The following ERMARD variants were observed in gnomAD, a reference collection of about 807,000 sequenced individuals.
ERMARD encodes endoplasmic reticulum membrane-associated RNA degradation protein.
Under a neutral mutation model 83.9 loss-of-function variants are expected in ERMARD, and 71 were observed. The ratio of observed to expected loss-of-function variants is 0.85; its 90% CI spans 0.70 to 1.03. The LOEUF is 1.03. Among genes scored for constraint, ERMARD ranks in the 50% least tolerant of loss-of-function variants. The pLI is 0.00. For missense variants in ERMARD, 838 were observed against 810.9 expected (o/e 1.03, Z -0.41); for synonymous variants, 284 against 298.6 (o/e 0.95, Z 0.50).
Position 169,751,835 on chromosome 6 carries a change from G to C in ERMARD, c.6+172G>C, listed in dbSNP as rs1033434835. On this transcript the variant is annotated intron_variant, in intron 1 of 17. Transcript: ENST00000366773. Reference sequence around the variant, plus strand: ...CGGCCCTGGCCTCTGTGGCGGTATCGGACGCTCGGCCCTGCAAGACGCCTG... The same window carrying C: ...CGGCCCTGGCCTCTGTGGCGGTATCCGACGCTCGGCCCTGCAAGACGCCTG... The C allele has an allele frequency of 4.0e-6, 4 of 1,005,052 alleles. No homozygotes were observed. In the African/African-American group the frequency reaches 6.9e-5, roughly 17 times the overall value. The allele number at this position is 1,005,052 out of a possible 1,614,324, so 62.3% of individuals were successfully genotyped here.
chr6:169,774,851 AG>A (rs17860644), intron 13 of ERMARD, among the ~76,000 whole-genome samples: 43,161 of 152,090 alleles, frequency 0.28, 6,791 homozygotes, highest in African/African-American at 0.42. Flanking sequence ...GACAGTCCCA[AG>A]GTGACAGCTG....
chr6:169,770,617 T>G (rs564379802), intron 12 of ERMARD: 34 of 152,090 alleles, frequency 2.2e-4, no homozygotes, highest in African/African-American at 7.7e-4. Flanking sequence ...TTTAAATTTT[T>G]TTATTATTAT....
Position 169,769,230 on chromosome 6 carries a change from C to T in ERMARD, c.1060-310C>T, listed in dbSNP as rs534578817. Among the ~76,000 whole-genome samples, 4 of 152,304 alleles carry T rather than the reference C, an allele frequency of 2.6e-5. No individual in the cohort carries two copies. The South Asian group carries it at 8.3e-4, about 32-fold the overall frequency. On this transcript the variant is annotated intron_variant, in intron 11 of 17. Coordinates refer to ENST00000366773, the MANE Select transcript of ERMARD (RefSeq NM_018341.3). ...CTCACACAAGAAAGAGCCGTGATTT[C>T]TTTTATTGCCTTGGAAAAGCTCATT...
At position 169,776,016 on chromosome 6, in the gene ERMARD, C is replaced by G; in HGVS notation, c.1471C>G (p.Pro491Ala). The G allele has an allele frequency of 6.2e-7, 1 of 1,614,206 alleles. No homozygotes were observed. The highest frequency in any genetic ancestry group is 1.1e-5 in the South Asian group (1 of 91,076). The part of the protein sequence containing the change: ...KMTDELYHHM[P>A]ENRCVLKDLD... The stretch of plus-strand genomic sequence containing the variant: ...GACGGATGAGCTGTATCACCATATG[C>G]CTGAGAATCGTTGTGTGTTAAAGGA... The change falls in exon 15 of 18, where the codon CCT (proline) becomes GCT (alanine). Residue 491 changes from proline to alanine, a missense_variant. Pro to Ala is a conservative substitution (Grantham distance 27, BLOSUM62 -1). Transcript: ENST00000366773.
chr6:169,776,466 T>C lies in ERMARD; in HGVS notation c.1532T>C (p.Leu511Pro), dbSNP rs1445967928. The change falls in exon 16 of 18, where the codon CTT (leucine) becomes CCT (proline). Residue 511 changes from leucine to proline, a missense_variant. Physicochemically the swap from Leu to Pro is moderately conservative, Grantham distance 98 (BLOSUM62 -3). Transcript: ENST00000366773. ...GGCTCTGTTTGCAGGTGGCCCCAGCTTCTCCGTGAGCTCTGCAGCACACCT... is the reference window on the plus strand; with the variant it reads ...GGCTCTGTTTGCAGGTGGCCCCAGCCTCTCCGTGAGCTCTGCAGCACACCT... ...DRLPTETWPQ[L>P]LRELCSTPVP... 2 of 1,613,768 alleles carry C rather than the reference T, an allele frequency of 1.2e-6. No individual in the cohort carries two copies. The highest frequency in any genetic ancestry group is 1.7e-6 in the Non-Finnish European group (2 of 1,179,898).
In ERMARD at chr6:169,767,651, A is replaced by G. The variant is rs145724485; in HGVS notation, c.991-452A>G. The G allele has an allele frequency of 3.0e-3, 533 of 180,160 alleles. 2 individuals are homozygous for G. The highest frequency in any genetic ancestry group is 0.012 in the African/African-American group (501 of 42,272). The allele number at this position is 180,160 out of a possible 1,614,324, so 11.2% of individuals were successfully genotyped here. The stretch of plus-strand genomic sequence containing the variant: ...GCCACACAGACACACACAGGCATAC[A>G]CATACTCTAATGTGTACACAACACA... On this transcript the variant is annotated intron_variant, in intron 10 of 17. Transcript: ENST00000366773.
rs768520209 is a variant in ERMARD, at chr6:169,779,224, C to T, written c.1782C>T (p.Leu594=). 5.6e-6 allele frequency: 9 copies of T among 1,614,220 alleles called. No individual in the cohort carries two copies. Among genetic ancestry groups the T allele is most frequent in the South Asian group, 1.1e-5 (1 of 91,080 alleles). Residue 594 remains leucine (L), a synonymous_variant, in exon 17 of 18, where the codon CTC becomes CTT. Coordinates refer to ENST00000366773, the MANE Select transcript of ERMARD (RefSeq NM_018341.3). ...CTGTGCTCAGCCTGATACTGTTACT[C>T]ATTGCGCTGGAGTTGGTCAACATTC... The part of the protein sequence containing the change: ...LSPVLSLILL[L]IALELVNIHA...
intron 1 of ERMARD, among the ~76,000 whole-genome samples, chr6:169,752,128 G>A (rs950712675): frequency 1.6e-4 from 24 of 152,258 alleles, no homozygotes; most frequent in Admixed American, 6.5e-5. Flanking sequence ...GGCTGAGGTG[G>A]AAGGATCGCT....
chr6:169,781,189 C>T (rs974978703), intron 17 of ERMARD, 141 bp from the exon 18 acceptor site: 15 of 753,084 alleles, frequency 2.0e-5, no homozygotes, highest in East Asian at 9.3e-5. Context: ...TTTATTTATA[C>T]GGATTTATTT....
At chr6:169,770,694 A>G (rs1417413880) in intron 12 of ERMARD, 1 of 152,102 alleles carries the variant, frequency 6.6e-6, no homozygotes, top group African/African-American at 2.4e-5. Flanking sequence ...GTCATGGCTC[A>G]TGGCAGCCTC....
upstream of ERMARD, chr6:169,751,320 T>TA: frequency 6.2e-7 from 1 of 1,610,720 alleles, no homozygotes; most frequent in Non-Finnish European, 8.5e-7. Flanking sequence ...CTCGGGCCCC[T>TA]AGCAGTCTCC....
At chr6:169,764,730 G>A (rs1791987865) in intron 9 of ERMARD, among the ~76,000 whole-genome samples, 1 of 152,140 alleles carries the variant, frequency 6.6e-6, no homozygotes, top group Admixed American at 6.5e-5. Context: ...TCTTTGGTGT[G>A]TTCCCTGTTT....
In ERMARD at chr6:169,756,399, T is replaced by C. The variant is rs1457472874; in HGVS notation, c.377T>C (p.Leu126Ser). The C allele has an allele frequency of 1.9e-6, 3 of 1,611,998 alleles. No homozygotes were observed. The African/African-American group carries it at 4.0e-5, about 22-fold the overall frequency. The change falls in exon 4 of 18, where the codon TTA becomes TCA. Residue 126 changes from leucine (L) to serine (S), a missense_variant. Physicochemically the swap from Leu to Ser is moderately radical, Grantham distance 145 (BLOSUM62 -2). Transcript: ENST00000366773. Reference protein sequence around the residue: ...SLQSPAISLSLMKLTSCLERA... With the variant: ...SLQSPAISLSSMKLTSCLERA... ...CAATCTCCTGCTATTTCTCTTAGCTTAATGAAACTGACATCGTGTCTAGAA... is the reference window on the plus strand; with the variant it reads ...CAATCTCCTGCTATTTCTCTTAGCTCAATGAAACTGACATCGTGTCTAGAA...
intron 1 of ERMARD, among the ~76,000 whole-genome samples, chr6:169,752,425 C>G (rs1790244546): frequency 6.6e-6 from 1 of 152,172 alleles, no homozygotes; most frequent in African/African-American, 2.4e-5. Context: ...CTCCAAAGCA[C>G]CGGCCCAGTG....
chr6:169,766,268 C>T (rs1401425623), intron 9 of ERMARD, among the ~76,000 whole-genome samples: 1 of 152,198 alleles, frequency 6.6e-6, no homozygotes, highest in Non-Finnish European at 1.5e-5. Flanking sequence ...CAAGGCTATT[C>T]ATTGGAGAAA....
Position 169,769,545 on chromosome 6 carries a change from T to C in ERMARD, c.1065T>C (p.Phe355=), listed in dbSNP as rs760205579. The C allele has an allele frequency of 6.3e-7, 1 of 1,596,082 alleles. No individual in the cohort carries two copies. Among genetic ancestry groups the C allele is most frequent in the South Asian group, 1.1e-5 (1 of 87,116 alleles). Residue 355 remains phenylalanine (F), a synonymous_variant, in exon 12 of 18, where the codon TTT becomes TTC. Transcript: ENST00000366773. ...CTCTGTTTAATTTCTGAAAGGAATT[T>C]CTCTGGGATTTCCTGAACCATCAGG... ...PLFLGEPAME[F]LWDFLNHQEG... is the part of the protein sequence containing the mutation.
intron 17 of ERMARD, 72 bp from the exon 18 acceptor site, chr6:169,781,258 G>T: frequency 7.4e-7 from 1 of 1,345,256 alleles, no homozygotes; most frequent in Admixed American, 3.0e-5. Flanking sequence ...TTCCAAGAAT[G>T]AAGTGAAGAC....
At chr6:169,754,380 A>G (rs1790531014) in intron 2 of ERMARD, among the ~76,000 whole-genome samples, 1 of 152,182 alleles carries the variant, frequency 6.6e-6, no homozygotes, top group South Asian at 2.1e-4. Flanking sequence ...TAGATTATAC[A>G]GTTATTTTAA....
At position 169,756,821 on chromosome 6, in the gene ERMARD, AT is replaced by A; in HGVS notation, c.507+14del. On this transcript the variant is annotated intron_variant, in intron 5 of 17. Transcript: ENST00000366773. Reference sequence around the variant, plus strand: ...CAGTCAGTCTGTGGTAAGCTTGTTCATCTAAACTCATGGAGTATATTAGTCC... The same window carrying A: ...CAGTCAGTCTGTGGTAAGCTTGTTCACTAAACTCATGGAGTATATTAGTCC... 2 of 1,610,830 alleles carry A rather than the reference AT, an allele frequency of 1.2e-6. No homozygotes were observed. Among genetic ancestry groups the A allele is most frequent in the Non-Finnish European group, 1.7e-6 (2 of 1,177,354 alleles).
Sources: allele counts gnomAD v4.1 joint callset (sites outside exome capture counted in the v4.1 genomes callset), GRCh38; gene constraint gnomAD v4.1.1; transcripts MANE v1.5; gene names NCBI Gene and HGNC (gene_info 2026-07-23, HGNC 2026-07-21).